KCNIP4: variants seen among roughly 807,000 people sequenced by gnomAD.
KCNIP4 encodes potassium voltage-gated channel interacting protein 4.
KCNIP4 carries 12 observed loss-of-function variants against 34.0 expected under a neutral mutation model. The ratio of observed to expected loss-of-function variants is 0.35; its 90% confidence interval spans 0.23 to 0.57. The LOEUF is 0.57. KCNIP4 is among the 20% of genes least tolerant of loss of function. KCNIP4 has a pLI of 0.83. For synonymous variants in KCNIP4, 124 were observed against 102.2 expected (o/e 1.21, Z -1.29); for missense variants, 238 against 311.7 (o/e 0.76, Z 1.78).
intron 1 of KCNIP4, among the ~76,000 whole-genome samples, chr4:20,896,328 G>T (rs1224749432): frequency 6.6e-6 from 1 of 152,178 alleles, no homozygotes; most frequent in African/African-American, 2.4e-5. Flanking sequence ...CATGGACATT[G>T]TAACTGGTTT....
intron 1 of KCNIP4, among the ~76,000 whole-genome samples, chr4:21,502,948 T>G (rs1255031630): frequency 6.6e-6 from 1 of 152,180 alleles, no homozygotes; most frequent in Non-Finnish European, 1.5e-5. Flanking sequence ...GATAAACACC[T>G]TCTGTTTTCT....
At position 21,172,676 on chromosome 4, in the gene KCNIP4, C is replaced by A. The variant is rs185748501; in HGVS notation, c.62-289967G>T. 1.4e-3 allele frequency among the ~76,000 whole-genome samples: 212 copies of A among 152,210 alleles called. 2 individuals are homozygous for A. Among genetic ancestry groups the A allele is most frequent in the African/African-American group, 4.6e-3 (192 of 41,526 alleles). Reference sequence around the variant, plus strand: ...AATTTATTTGAGGAGATTCAATGTGCAAGGATGGTAAAACATAATGGCATT... The same window carrying A: ...AATTTATTTGAGGAGATTCAATGTGAAAGGATGGTAAAACATAATGGCATT... On this transcript the variant is annotated intron_variant, in intron 1 of 8. Coordinates refer to ENST00000382152, the MANE Select transcript of KCNIP4 (RefSeq NM_025221.6).
At chr4:20,733,018 A>T (rs1748713295) in intron 6 of KCNIP4, among the ~76,000 whole-genome samples, 1 of 152,200 alleles carries the variant, frequency 6.6e-6, no homozygotes, top group South Asian at 2.1e-4. Context: ...TTTCAAAAGG[A>T]AGCAAATTTC....
At chr4:21,467,076 AC>A (rs1182584901) in intron 1 of KCNIP4, among the ~76,000 whole-genome samples, 1,264 of 40,682 alleles carry the variant, frequency 0.031, 17 homozygotes, top group African/African-American at 0.14. Context: ...CAAAACAAAC[AC>A]ACACACACAC....
chr4:21,274,180 A>G (rs759703533), intron 1 of KCNIP4, among the ~76,000 whole-genome samples: 2 of 152,210 alleles, frequency 1.3e-5, no homozygotes, highest in Non-Finnish European at 2.9e-5. Flanking sequence ...CCTGTGAACA[A>G]CAAACTAGGA....
intron 4 of KCNIP4, chr4:20,752,421 A>G (rs1171340856): frequency 1.3e-5 from 2 of 152,164 alleles, no homozygotes; most frequent in African/African-American, 4.8e-5. Flanking sequence ...AAATAATCCT[A>G]TATACTTATT....
At chr4:20,990,903 T>G (rs1015638780) in intron 1 of KCNIP4, among the ~76,000 whole-genome samples, 3 of 152,236 alleles carry the variant, frequency 2.0e-5, no homozygotes, top group African/African-American at 4.8e-5. Context: ...CCCTTTTATA[T>G]ATTATAGTTT....
rs193126769 is a variant in KCNIP4, at chr4:21,453,427, A to C, written c.61+495144T>G. 8.6e-4 allele frequency among the ~76,000 whole-genome samples: 131 copies of C among 152,170 alleles called. 1 individual carries two copies. Among genetic ancestry groups the C allele is most frequent in the Middle Eastern group, 6.8e-3 (2 of 294 alleles). Reference sequence around the variant, plus strand: ...CCTCATATTACAGGTGAGGAAACTGAGGCACAATTTGGCGATGTCTCTGCA... The same window carrying C: ...CCTCATATTACAGGTGAGGAAACTGCGGCACAATTTGGCGATGTCTCTGCA... On this transcript the variant is annotated intron_variant, in intron 1 of 8. Transcript: ENST00000382152.
intron 1 of KCNIP4, chr4:21,303,798 C>T (rs575682509): frequency 3.1e-6 from 5 of 1,610,242 alleles, no homozygotes; most frequent in East Asian, 2.2e-5. Flanking sequence ...CTAAAAAGCA[C>T]TCCCTTACCT....
At chr4:21,128,042 G>A (rs201356161) in intron 1 of KCNIP4, among the ~76,000 whole-genome samples, 2 of 152,198 alleles carry the variant, frequency 1.3e-5, no homozygotes, top group East Asian at 1.9e-4. Flanking sequence ...TTATTAAAAG[G>A]GTTCCTGGTC....
In KCNIP4 at chr4:20,894,291, C is replaced by T. The variant is rs1230941528; in HGVS notation, c.62-11582G>A. ...TGAGTAAGGTTGATTCTTCTGATGG[C>T]GAGAGAACACAAATAAATTGATTCT... On this transcript the variant is annotated intron_variant, in intron 1 of 8. Transcript: ENST00000382152. Among the ~76,000 whole-genome samples the T allele has an allele frequency of 3.9e-5, 6 of 152,226 alleles. 1 individual carries two copies. The South Asian group carries it at 1.0e-3, about 26-fold the overall frequency.
chr4:20,730,188 ATTTT>A lies in KCNIP4; in HGVS notation c.706-63_706-60del, dbSNP rs1442930014. 7.0e-5 allele frequency: 107 copies of A among 1,539,128 alleles called. No homozygotes were observed. In the African/African-American group the frequency reaches 1.3e-3, roughly 19 times the overall value. The stretch of plus-strand genomic sequence containing the variant: ...GCATATCTGCAAGGAAAAGTACACT[ATTTT>A]GCCCCTGAGTATTGCCTCCTCCCAT... On this transcript the variant is annotated intron_variant, in intron 8 of 8. Transcript: ENST00000382152.
chr4:21,556,975 C>A, intron 1 of KCNIP4, among the ~76,000 whole-genome samples: 1 of 120,878 alleles, frequency 8.3e-6, no homozygotes, highest in African/African-American at 3.0e-5. Flanking sequence ...GTAGACGTTA[C>A]TTAAAGCTAT....
intron 1 of KCNIP4, among the ~76,000 whole-genome samples, chr4:21,326,944 TTCC>T (rs1416053498): frequency 3.3e-5 from 5 of 152,040 alleles, no homozygotes; most frequent in African/African-American, 7.2e-5. Context: ...TGCATTTTAA[TTCC>T]TCCTCTTTTT....
At chr4:21,010,305 GAT>G (rs1202790077) in intron 1 of KCNIP4, among the ~76,000 whole-genome samples, 1 of 152,164 alleles carries the variant, frequency 6.6e-6, no homozygotes, top group African/African-American at 2.4e-5. Context: ...ACTATAAAGT[GAT>G]GTCTCCAATT....
chr4:21,688,314 A>G (rs1055498101), intron 1 of KCNIP4, among the ~76,000 whole-genome samples: 3 of 152,170 alleles, frequency 2.0e-5, no homozygotes, highest in African/African-American at 7.2e-5. Flanking sequence ...CAGATTTTCA[A>G]ATTAGGAATG....
chr4:21,415,949 A>G (rs1724921309), intron 1 of KCNIP4, among the ~76,000 whole-genome samples: 1 of 152,116 alleles, frequency 6.6e-6, no homozygotes, highest in African/African-American at 2.4e-5. Flanking sequence ...TAAACCACTG[A>G]ACTCTTCCGA....
At chr4:21,856,835 G>T (rs1291151884) in intron 1 of KCNIP4, among the ~76,000 whole-genome samples, 1 of 152,184 alleles carries the variant, frequency 6.6e-6, no homozygotes, top group Non-Finnish European at 1.5e-5. Context: ...TGGAGGCTGA[G>T]CCTGAGTGCT....
Position 21,545,307 on chromosome 4 carries a change from G to T in KCNIP4, c.61+403264C>A, listed in dbSNP as rs149839664. ...CACCCCTTGGATAACATGTAATCAA[G>T]AACCATAAAAAAGGGCAATCAGCAG... is the stretch of plus-strand genomic sequence containing the variant. On this transcript the variant is annotated intron_variant, in intron 1 of 8. Coordinates refer to ENST00000382152, the MANE Select transcript of KCNIP4 (RefSeq NM_025221.6). 2.3e-3 allele frequency among the ~76,000 whole-genome samples: 356 copies of T among 152,138 alleles called. 1 individual carries two copies. Among genetic ancestry groups the T allele is most frequent in the African/African-American group, 8.2e-3 (341 of 41,524 alleles).
Sources: gnomAD v4.1 joint callset for allele counts (sites outside exome capture counted in the v4.1 genomes callset) on GRCh38, gnomAD v4.1.1 for gene constraint, MANE v1.5 for transcripts, NCBI Gene and HGNC (gene_info 2026-07-23, HGNC 2026-07-21) for gene names.